Variants in TNRC6C observed in about 807,000 individuals in gnomAD.
TNRC6C encodes trinucleotide repeat containing adaptor 6C.
A neutral mutation model predicts 153.7 loss-of-function variants in TNRC6C; 20 were observed. The observed-to-expected ratio is 0.13, with a 90% confidence interval of 0.09 to 0.19. The LOEUF (loss-of-function observed/expected upper bound fraction) is 0.19. TNRC6C is among the 10% of genes least tolerant of loss of function. TNRC6C has a pLI of 1.00. For synonymous variants in TNRC6C, 811 were observed against 841.4 expected (o/e 0.96, Z 0.63); for missense variants, 1,987 against 2,172.0 (o/e 0.91, Z 1.69).
chr17:78,057,465 C>A (rs1303482866), intron 3 of TNRC6C, among the ~76,000 whole-genome samples: 4 of 152,204 alleles, frequency 2.6e-5, no homozygotes, highest in Non-Finnish European at 5.9e-5. Flanking sequence ...GTGGCATTAC[C>A]CCCGGTGGCA....
chr17:78,015,184 T>A (rs1231462683), intron 1 of TNRC6C, among the ~76,000 whole-genome samples: 1 of 152,188 alleles, frequency 6.6e-6, no homozygotes, highest in Non-Finnish European at 1.5e-5. Context: ...GTGTGGGGTG[T>A]CCATGCATAA....
intron 5 of TNRC6C, among the ~76,000 whole-genome samples, chr17:78,068,325 A>G (rs2072923346): frequency 6.6e-6 from 1 of 152,256 alleles, no homozygotes; most frequent in Admixed American, 6.5e-5. Flanking sequence ...TGTAGTGACT[A>G]TTATTTTTAA....
chr17:77,977,229 T>C (rs1372794678), intron 1 of TNRC6C, among the ~76,000 whole-genome samples: 1 of 152,184 alleles, frequency 6.6e-6, no homozygotes, highest in Non-Finnish European at 1.5e-5. Flanking sequence ...GATTTATACA[T>C]ATGTATTTAG....
intron 3 of TNRC6C, among the ~76,000 whole-genome samples, chr17:78,052,563 C>G (rs998087886): frequency 2.0e-5 from 3 of 152,150 alleles, no homozygotes; most frequent in Non-Finnish European, 2.9e-5. Context: ...GGTCTGCATG[C>G]GGGGGCCACT....
At chr17:78,018,125 T>G (rs1022312414) in intron 1 of TNRC6C, among the ~76,000 whole-genome samples, 10 of 152,180 alleles carry the variant, frequency 6.6e-5, no homozygotes, top group East Asian at 5.8e-4. Flanking sequence ...TTGGTTTTTG[T>G]TTTGTTTTTT....
chr17:78,023,541 C>T (rs186405868), intron 1 of TNRC6C, among the ~76,000 whole-genome samples: 3 of 152,310 alleles, frequency 2.0e-5, no homozygotes, highest in East Asian at 1.9e-4. Flanking sequence ...CACAGTGGCT[C>T]ATGCCTGTAA....
intron 1 of TNRC6C, among the ~76,000 whole-genome samples, chr17:77,964,000 A>G (rs1353679105): frequency 6.6e-6 from 1 of 152,182 alleles, no homozygotes; most frequent in Non-Finnish European, 1.5e-5. Flanking sequence ...TTGGAGAACC[A>G]CTGCCCTAAG....
In TNRC6C at chr17:78,064,867, C is replaced by A. The variant is rs375550999; in HGVS notation, c.2541C>A (p.His847Gln). 1.4e-5 allele frequency: 22 copies of A among 1,612,342 alleles called. No homozygotes were observed. In the African/African-American group the frequency reaches 1.7e-4, roughly 13 times the overall value. ...GCAGTGGCAGCGGGTGGGGAGATCA[C>A]CCTGCAGAGCCGCCGGTGGCATTTG... Residue 847 changes from histidine to glutamine, a missense_variant, in exon 4 of 20, where the codon CAC becomes CAA. Physicochemically the swap from His to Gln is conservative, Grantham distance 24. Around this residue, in one of 4 missense-constraint regions of TNRC6C, gnomAD observed 765 missense variants for 908.6 expected, o/e 0.84. Transcript: ENST00000301624.
intron 5 of TNRC6C, among the ~76,000 whole-genome samples, chr17:78,068,871 A>C (rs562412717): frequency 4.6e-5 from 7 of 152,318 alleles, no homozygotes; most frequent in African/African-American, 1.7e-4. Context: ...CATGAGCTAC[A>C]TGAGACGTGT....
chr17:77,995,072 A>G (rs1262026283), intron 1 of TNRC6C, among the ~76,000 whole-genome samples: 6 of 152,214 alleles, frequency 3.9e-5, no homozygotes. Context: ...CTGTAATGGG[A>G]TTAGAATAAT....
At chr17:78,066,075 A>G (rs111431351) in intron 4 of TNRC6C, among the ~76,000 whole-genome samples, 15,400 of 152,102 alleles carry the variant, frequency 0.1, 858 homozygotes, top group East Asian at 0.18. Context: ...TACTAAAAAT[A>G]CAAAAATTAG....
intron 4 of TNRC6C, 88 bp from the exon 7 acceptor site, chr17:78,067,669 C>A: frequency 7.1e-7 from 1 of 1,401,654 alleles, no homozygotes. Context: ...ATCATTTGTC[C>A]CACGACCCCT....
At chr17:78,048,334 A>G (rs1257974477) in intron 2 of TNRC6C, among the ~76,000 whole-genome samples, 3 of 152,092 alleles carry the variant, frequency 2.0e-5, no homozygotes, top group East Asian at 1.9e-4. Context: ...CCCCACCCCA[A>G]ATATTGGTTC....
intron 1 of TNRC6C, among the ~76,000 whole-genome samples, chr17:78,024,089 ACACCGTCTCAAAAAAAAG>A (rs1194152627): frequency 6.6e-6 from 1 of 152,140 alleles, no homozygotes; most frequent in African/African-American, 2.4e-5. Flanking sequence ...AGCAAAAAAA[ACACCGTCTCAAAAAAAAG>A]CAAAAACAAA....
At chr17:77,987,001 T>TA (rs2144129338) in intron 1 of TNRC6C, among the ~76,000 whole-genome samples, 1 of 152,354 alleles carries the variant, frequency 6.6e-6, no homozygotes, top group African/African-American at 2.4e-5. Context: ...CAAATACAAG[T>TA]AAAATCTCAT....
At position 78,042,682 on chromosome 17, in the gene TNRC6C, A is replaced by G. The variant is rs531184621; in HGVS notation, c.-218-6163A>G. Among the ~76,000 whole-genome samples the G allele has an allele frequency of 1.5e-4, 23 of 151,118 alleles. No individual in the cohort carries two copies. The South Asian group carries it at 3.8e-3, about 25-fold the overall frequency. ...TGATGGTGGTGATGATGATGGTGCT[A>G]TTGGTGATGGTGATGATGGAGTTGG... On this transcript the variant is annotated intron_variant, in intron 2 of 19. Transcript: ENST00000301624.
At chr17:77,991,613 G>A (rs1266006841) in intron 1 of TNRC6C, among the ~76,000 whole-genome samples, 6 of 152,138 alleles carry the variant, frequency 3.9e-5, no homozygotes, top group Admixed American at 1.3e-4. Flanking sequence ...AAGGATGCTT[G>A]GCCAGCCTCT....
chr17:77,966,558 C>T (rs2070898116), intron 1 of TNRC6C, among the ~76,000 whole-genome samples: 1 of 152,138 alleles, frequency 6.6e-6, no homozygotes, highest in African/African-American at 2.4e-5. Context: ...ATTAATGAAG[C>T]TAATATTAAG....
exon 3 of TNRC6C, chr17:78,050,590 G>A: frequency 6.3e-7 from 1 of 1,592,976 alleles, no homozygotes; most frequent in Non-Finnish European, 8.6e-7. Context: ...ATCTGGGTGG[G>A]TCAACGCGCC....
Sources: allele counts gnomAD v4.1 joint callset (sites outside exome capture counted in the v4.1 genomes callset), GRCh38; gene constraint gnomAD v4.1.1; regional missense constraint gnomAD v4.1.1; transcripts MANE v1.5; gene names NCBI Gene and HGNC (gene_info 2026-07-23, HGNC 2026-07-21).